Variants in PMEL observed in about 807,000 individuals in gnomAD.
The protein encoded by PMEL is premelanosome protein.
A neutral mutation model predicts 64.9 loss-of-function variants in PMEL; 53 were observed. The observed-to-expected ratio is 0.82, with a 90% CI of 0.66 to 1.03. The LOEUF is 1.03. Among genes scored for constraint, PMEL ranks in the 50% least tolerant of loss-of-function variants. The pLI is 0.00. For synonymous variants in PMEL, 299 were observed against 316.2 expected (o/e 0.95, Z 0.58); for missense variants, 716 against 814.9 (o/e 0.88, Z 1.48).
chr12:55,962,610 G>C (rs773006059), intron 1 of PMEL, among the ~76,000 whole-genome samples: 8 of 126,522 alleles, frequency 6.3e-5, no homozygotes, highest in Non-Finnish European at 1.1e-4. Context: ...TATAGCCTCC[G>C]CTTCCTGGAT....
Position 55,958,442 on chromosome 12 carries a change from TGGATGATAGGCTGAGAAG to T in PMEL, c.469+13_469+30del, listed in dbSNP as rs1888979639. On this transcript the variant is annotated intron_variant, in intron 4 of 10. Transcript: ENST00000548747. ...AGGTAGAAAGAAGTAAACACAAGTG[TGGATGATAGGCTGAGAAG>T]GGAGTCCCTCACCCCAGGTCTTCCA... 2 of 1,606,604 alleles carry T rather than the reference TGGATGATAGGCTGAGAAG, an allele frequency of 1.2e-6. No individual in the cohort carries two copies. Among genetic ancestry groups the T allele is most frequent in the Non-Finnish European group, 8.5e-7 (1 of 1,175,988 alleles).
In PMEL at chr12:55,957,489, G is replaced by A. The variant is rs753939918; in HGVS notation, c.814C>T (p.Arg272Trp). 9.9e-6 allele frequency: 16 copies of A among 1,613,852 alleles called. No homozygotes were observed. The highest frequency in any genetic ancestry group is 8.0e-5 in the African/African-American group (6 of 74,862). ...TAAGTATGAGTGACCACAAGTGCCC[G>A]AGAGATCAGGGTTCCACTACTGTCT... Reference protein sequence around the residue: ...FGDSSGTLISRALVVTHTYLE... With the variant: ...FGDSSGTLISWALVVTHTYLE... The change falls in exon 6 of 11, where the codon CGG (arginine) becomes TGG (tryptophan). Residue 272 changes from arginine (R) to tryptophan (W), a missense_variant. Coordinates refer to ENST00000548747, the MANE Select transcript of PMEL (RefSeq NM_001384361.1).
At chr12:55,958,994 G>A (rs1307802563) in intron 3 of PMEL, among the ~76,000 whole-genome samples, 1 of 150,522 alleles carries the variant, frequency 6.6e-6, no homozygotes, top group Non-Finnish European at 1.5e-5. Context: ...TGCCAGGACT[G>A]GTCTTGAACT....
chr12:55,955,954 A>G, intron 7 of PMEL, 91 bp from the exon 8 acceptor site: 1 of 1,202,098 alleles, frequency 8.3e-7, no homozygotes, highest in South Asian at 1.2e-5. Flanking sequence ...TGCTCCACCA[A>G]TCCCATCCCT....
chr12:55,966,452 C>T (rs77387841), upstream of PMEL: 1,012 of 188,702 alleles, frequency 5.4e-3, 4 homozygotes, highest in Non-Finnish European at 8.6e-3. Context: ...CAACGAGATT[C>T]CCGGCTTCCT....
chr12:55,954,240 G>C lies in PMEL; in HGVS notation c.1960C>G (p.Pro654Ala). 6.2e-7 allele frequency: 1 copy of C among 1,613,640 alleles called. No individual in the cohort carries two copies. The highest frequency in any genetic ancestry group is 8.5e-7 in the Non-Finnish European group (1 of 1,179,688). Residue 654 changes from proline to alanine, a missense_variant, in exon 11 of 11, where the codon CCC (proline) becomes GCC (alanine). Coordinates refer to ENST00000548747, the MANE Select transcript of PMEL (RefSeq NM_001384361.1). ...CAGACCTGCTGCCCACTGAGGAGGG[G>C]GCTGTTCTCACCAATGGGACAAGAG... ...FCSCPIGENS[P>A]LLSGQQV
chr12:55,958,589 C>T lies in PMEL; in HGVS notation c.353G>A (p.Gly118Glu), dbSNP rs201808338. The part of the protein sequence containing the change: ...TIINGSQVWG[G>E]QPVYPQETDD... The stretch of plus-strand genomic sequence containing the variant: ...AGTTTCCTGGGGATACACTGGCTGT[C>T]CTCCCCACACCTGGCTCCCTGAAAG... The change falls in exon 4 of 11, where the codon GGA becomes GAA. Residue 118 changes from glycine (G) to glutamate (E), a missense_variant. By Grantham distance (98) the Gly-to-Glu change is moderately conservative (BLOSUM62 -2). Transcript: ENST00000548747. 5 of 1,613,690 alleles carry T rather than the reference C, an allele frequency of 3.1e-6. No individual in the cohort carries two copies. In the African/African-American group the frequency reaches 5.3e-5, roughly 17 times the overall value.
rs760692409 is a variant in PMEL at position 55,960,537 on chromosome 12, G to GTTTTTTT, written c.334+773_334+779dup. 1.8e-3 allele frequency among the ~76,000 whole-genome samples: 173 copies of GTTTTTTT among 97,282 alleles called. 7 individuals carry two copies. The highest frequency in any genetic ancestry group is 4.7e-3 in the African/African-American group (103 of 22,134). The allele number at this position is 97,282 out of a possible 152,430, so 63.8% of individuals were successfully genotyped here. ...TAATTTTCTTTTCTTTTTGCTTTCT[G>GTTTTTTT]TTTTTTTTTTTTTTTTTTTTTTTGA... On this transcript the variant is annotated intron_variant, in intron 3 of 10. Coordinates refer to ENST00000548747, the MANE Select transcript of PMEL (RefSeq NM_001384361.1).
At chr12:55,961,064 T>G (rs1471979315) in intron 3 of PMEL, 5 of 363,546 alleles carry the variant, frequency 1.4e-5, no homozygotes, top group African/African-American at 8.3e-5. Context: ...AATTAGCCGG[T>G]CATGGTGGCA....
intron 1 of PMEL, among the ~76,000 whole-genome samples, chr12:55,964,440 G>GT (rs1424717191): frequency 6.6e-6 from 1 of 151,954 alleles, no homozygotes. Flanking sequence ...GATTACAGGC[G>GT]TGAGCCACCA....
chr12:55,961,584 T>A (rs764004623), intron 2 of PMEL, 38 bp downstream of exon 2: 3 of 1,595,046 alleles, frequency 1.9e-6, no homozygotes, highest in South Asian at 1.1e-5. Context: ...CTCATCCCAC[T>A]CCCACCATGC....
rs528167810 is a variant in PMEL at position 55,955,193 on chromosome 12, G to A, written c.1850+81C>T. On this transcript the variant is annotated intron_variant, in intron 10 of 10. Transcript: ENST00000548747. ...ACACCATGCTTCCTCAAAGGGAGAG[G>A]TGGTTTCTTCTCCCCTTGAGGAAAA... is the stretch of plus-strand genomic sequence containing the variant. 2.0e-5 allele frequency: 20 copies of A among 1,007,566 alleles called. No homozygotes were observed. In the East Asian group the frequency reaches 4.0e-4, roughly 20 times the overall value. 62.4% of individuals were successfully genotyped at this position (1,007,566 alleles called of 1,614,324 possible).
At chr12:55,961,219 A>G (rs1889090536) in intron 3 of PMEL, 98 bp downstream of exon 3, 1 of 1,221,646 alleles carries the variant, frequency 8.2e-7, no homozygotes, top group Admixed American at 2.2e-5. Flanking sequence ...AAGAAAAAAA[A>G]AAAAAAGTAG....
chr12:55,960,782 C>A (rs868676986), intron 3 of PMEL, among the ~76,000 whole-genome samples: 3 of 148,702 alleles, frequency 2.0e-5, no homozygotes, highest in Non-Finnish European at 4.5e-5. Context: ...CTCCTGACCT[C>A]GTGATCCGCC....
intron 3 of PMEL, 27 bp from the exon 4 acceptor site, chr12:55,958,634 C>G: frequency 6.2e-7 from 1 of 1,602,764 alleles, no homozygotes; most frequent in Non-Finnish European, 8.5e-7. Context: ...GAGTCACTCT[C>G]AAACCCTGGC....
intron 3 of PMEL, among the ~76,000 whole-genome samples, chr12:55,960,231 G>A (rs1215227452): frequency 6.4e-4 from 89 of 139,598 alleles, no homozygotes; most frequent in African/African-American, 2.1e-3. Context: ...AAAAAGAAAA[G>A]AAAAGAAAAG....
At position 55,955,669 on chromosome 12, in the gene PMEL, C is replaced by T. The variant is rs1888846206; in HGVS notation, c.1557G>A (p.Gly519=). 3.7e-6 allele frequency: 6 copies of T among 1,612,076 alleles called. No homozygotes were observed. Among genetic ancestry groups the T allele is most frequent in the Non-Finnish European group, 4.2e-6 (5 of 1,178,786 alleles). Reference sequence around the variant, plus strand: ...TCTCCATGCAGGCTTCCTTGGGCAGCCTGGAAGAAGTGTCAGCATATATAA... The same window carrying T: ...TCTCCATGCAGGCTTCCTTGGGCAGTCTGGAAGAAGTGTCAGCATATATAA... ...AFELTVSCQG[G]LPKEACMEIS... The change falls in exon 9 of 11, where the codon GGG becomes GGA. Residue 519 remains glycine, a splice_region_variant and synonymous_variant. Coordinates refer to ENST00000548747, the MANE Select transcript of PMEL (RefSeq NM_001384361.1).
upstream of PMEL, chr12:55,966,352 A>C: frequency 3.4e-6 from 1 of 297,190 alleles, no homozygotes. Context: ...AAAAAGACAG[A>C]AACAGAACCC....
chr12:55,954,914 A>AG (rs1565772193), intron 10 of PMEL, among the ~76,000 whole-genome samples: 2 of 152,176 alleles, frequency 1.3e-5, no homozygotes. Context: ...CAAAAAAAAA[A>AG]AGAAAACTCA....
Sources: allele counts gnomAD v4.1 joint callset (sites outside exome capture counted in the v4.1 genomes callset), GRCh38; gene constraint gnomAD v4.1.1; transcripts MANE v1.5; gene names NCBI Gene and HGNC (gene_info 2026-07-23, HGNC 2026-07-21).